Variants in TRIM9 observed in about 807,000 individuals in gnomAD.
The protein encoded by TRIM9 is E3 ubiquitin-protein ligase TRIM9.
TRIM9 carries 26 observed loss-of-function variants against 78.3 expected under a neutral mutation model. The ratio of observed to expected loss-of-function variants is 0.33; its 90% CI spans 0.24 to 0.46. TRIM9 has a LOEUF of 0.46. TRIM9 is among the 20% of genes least tolerant of loss of function. The pLI, the probability that TRIM9 is intolerant of heterozygous loss-of-function variation, is 1.00. For synonymous variants in TRIM9, 398 were observed against 416.5 expected, an observed-to-expected ratio of 0.96 and a Z score of 0.54; for missense variants, 787 against 1,036.4, an observed-to-expected ratio of 0.76 and a Z score of 3.30.
At chr14:50,997,904 G>C in intron 7 of TRIM9, 146 bp downstream of exon 7, 1 of 1,474,856 alleles carries the variant, frequency 6.8e-7, no homozygotes, top group Non-Finnish European at 9.0e-7. Flanking sequence ...AAAGGCAGGA[G>C]AGGAACAGCG....
intron 3 of TRIM9, among the ~76,000 whole-genome samples, chr14:51,015,496 TTTAC>T (rs1316479026): frequency 6.9e-6 from 1 of 145,444 alleles, no homozygotes; most frequent in Non-Finnish European, 1.5e-5. Context: ...TTTTTCTTTC[TTTAC>T]TTTTCTTTTT....
At chr14:50,992,978 C>T (rs1379856474) in intron 7 of TRIM9, among the ~76,000 whole-genome samples, 1 of 152,152 alleles carries the variant, frequency 6.6e-6, no homozygotes, top group East Asian at 1.9e-4. Context: ...TACCTTCTCC[C>T]CATTTTCCCT....
At chr14:51,025,581 C>G (rs1222209482) in intron 1 of TRIM9, among the ~76,000 whole-genome samples, 1 of 152,176 alleles carries the variant, frequency 6.6e-6, no homozygotes, top group Admixed American at 6.5e-5. Flanking sequence ...CCACAGCAGT[C>G]AAAGGCCCTC....
intron 3 of TRIM9, among the ~76,000 whole-genome samples, chr14:51,020,961 A>G (rs1417780770): frequency 1.3e-5 from 2 of 152,238 alleles, no homozygotes; most frequent in Non-Finnish European, 2.9e-5. Flanking sequence ...AGATATTTCC[A>G]TTAAGAAGAA....
In TRIM9 at chr14:50,976,581, C is replaced by T. The variant is rs144794716; in HGVS notation, c.*710G>A. On this transcript the variant is annotated 3_prime_UTR_variant, in exon 13 of 13. Transcript: ENST00000684578. ...AATAAACGAACCAAATCATTAAGTC[C>T]CCTGGTTTGCCTGTGTCTTAGAGAC... 3 of 152,482 alleles carry T rather than the reference C, an allele frequency of 2.0e-5. No homozygotes were observed. Among genetic ancestry groups the T allele is most frequent in the African/African-American group, 7.2e-5 (3 of 41,382 alleles). The allele number at this position is 152,482 out of a possible 1,614,324, so 9.4% of individuals were successfully genotyped here.
chr14:51,002,642 T>C (rs988956115), intron 5 of TRIM9, among the ~76,000 whole-genome samples: 5 of 152,214 alleles, frequency 3.3e-5, no homozygotes, highest in Admixed American at 1.3e-4. Context: ...ATTAAATCTA[T>C]GCCTTGTCAG....
At chr14:51,053,309 G>T (rs1325433801) in intron 1 of TRIM9, among the ~76,000 whole-genome samples, 1 of 151,856 alleles carries the variant, frequency 6.6e-6, no homozygotes, top group African/African-American at 2.4e-5. Context: ...AATAAAATGA[G>T]TTTTATTTTA....
intron 3 of TRIM9, among the ~76,000 whole-genome samples, chr14:51,021,554 T>C (rs1381583475): frequency 6.6e-6 from 1 of 152,214 alleles, no homozygotes; most frequent in East Asian, 1.9e-4. Flanking sequence ...ACCACCTTCA[T>C]GTCCCTGCCT....
At chr14:51,007,243 C>A in intron 5 of TRIM9, among the ~76,000 whole-genome samples, 1 of 152,086 alleles carries the variant, frequency 6.6e-6, no homozygotes, top group East Asian at 1.9e-4. Context: ...TGTGACATAC[C>A]CTTCAGTGAT....
At chr14:51,028,677 T>C (rs2058465174) in intron 1 of TRIM9, among the ~76,000 whole-genome samples, 1 of 152,200 alleles carries the variant, frequency 6.6e-6, no homozygotes, top group Admixed American at 6.5e-5. Context: ...AGCAGTGACA[T>C]TCGGATTTCT....
intron 1 of TRIM9, among the ~76,000 whole-genome samples, chr14:51,025,918 G>A (rs1046882239): frequency 6.6e-6 from 1 of 152,118 alleles, no homozygotes; most frequent in Non-Finnish European, 1.5e-5. Flanking sequence ...GTACAGCCCT[G>A]CTGCCCTAGC....
chr14:51,029,417 G>A (rs1423167486), intron 1 of TRIM9, among the ~76,000 whole-genome samples: 2 of 152,132 alleles, frequency 1.3e-5, no homozygotes, highest in Non-Finnish European at 2.9e-5. Context: ...GGGCCCAGGA[G>A]CCAAAGCCCA....
rs1055548090 is a variant in TRIM9 at position 51,009,073 on chromosome 14, G to C, written c.1306+7C>G. 6.2e-7 allele frequency: 1 copy of C among 1,613,468 alleles called. No individual in the cohort carries two copies. The highest frequency in any genetic ancestry group is 8.5e-7 in the Non-Finnish European group (1 of 1,179,726). On this transcript the variant is annotated splice_region_variant and intron_variant, in intron 5 of 12. Coordinates refer to ENST00000684578, the MANE Select transcript of TRIM9 (RefSeq NM_001387360.1). ...TGCTCTCTGACTTGGGGGATGCAAGGACATACCTTTCACTTGCACGAAATC... is the reference window on the plus strand; with the variant it reads ...TGCTCTCTGACTTGGGGGATGCAAGCACATACCTTTCACTTGCACGAAATC...
intron 1 of TRIM9, among the ~76,000 whole-genome samples, chr14:51,028,395 T>A (rs1387563192): frequency 6.6e-6 from 1 of 152,222 alleles, no homozygotes; most frequent in Non-Finnish European, 1.5e-5. Context: ...GCACATTGTT[T>A]TTATAGGTTG....
At chr14:51,031,147 C>CAAAAAAAAAAAAAA (rs1210514761) in intron 1 of TRIM9, among the ~76,000 whole-genome samples, 1 of 100,742 alleles carries the variant, frequency 9.9e-6, no homozygotes, top group Non-Finnish European at 1.9e-5. Context: ...AAACTCTTTC[C>CAAAAAAAAAAAAAA]AAAAAAAAAA....
At chr14:50,980,167 A>G (rs2051668494) in intron 11 of TRIM9, among the ~76,000 whole-genome samples, 2 of 152,200 alleles carry the variant, frequency 1.3e-5, no homozygotes, top group South Asian at 4.1e-4. Flanking sequence ...CATTTGAATT[A>G]AGAACTTGGA....
rs573709690 is a variant in TRIM9, at chr14:51,038,640, A to G, written c.823-13280T>C. Among the ~76,000 whole-genome samples the G allele has an allele frequency of 5.3e-5, 8 of 152,308 alleles. No individual in the cohort carries two copies. In the South Asian group the frequency reaches 1.7e-3, roughly 32 times the overall value. ...TTTCAAGGTTGAATTAAGGAACAAG[A>G]ATGGGGTATTCAGTTCTTTTCATCC... On this transcript the variant is annotated intron_variant, in intron 1 of 12. Transcript: ENST00000684578.
intron 1 of TRIM9, among the ~76,000 whole-genome samples, chr14:51,081,217 A>G (rs1463466535): frequency 6.6e-6 from 1 of 152,264 alleles, no homozygotes; most frequent in Non-Finnish European, 1.5e-5. Flanking sequence ...CTTAAAAAAT[A>G]CATAAAATAG....
At chr14:51,059,626 C>A (rs2061168837) in intron 1 of TRIM9, among the ~76,000 whole-genome samples, 1 of 151,916 alleles carries the variant, frequency 6.6e-6, no homozygotes. Flanking sequence ...GGTGAAACCC[C>A]ATCTCTACTA....
Sources: gnomAD v4.1 joint callset for allele counts (sites outside exome capture counted in the v4.1 genomes callset) on GRCh38, gnomAD v4.1.1 for gene constraint, MANE v1.5 for transcripts, NCBI Gene and HGNC (gene_info 2026-07-23, HGNC 2026-07-21) for gene names.